PCDH15: variants seen among roughly 807,000 people sequenced by gnomAD.
PCDH15 encodes the protein protocadherin-15.
In PCDH15, 129 loss-of-function variants were observed where a neutral mutation model predicts 178.5. The ratio of observed to expected loss-of-function variants is 0.72; its 90% CI spans 0.63 to 0.84. The LOEUF is 0.84. Among genes scored for constraint, PCDH15 ranks in the 40% least tolerant of loss-of-function variants. PCDH15 has a pLI of 0.00. For synonymous variants in PCDH15, 800 were observed against 732.0 expected, an observed-to-expected ratio of 1.09 and a Z score of -1.50; for missense variants, 2,230 against 2,099.9, an observed-to-expected ratio of 1.06 and a Z score of -1.21.
chr10:54,537,571 T>C (rs147286735), intron 2 of PCDH15, among the ~76,000 whole-genome samples: 1 of 152,304 alleles, frequency 6.6e-6, no homozygotes, highest in African/African-American at 2.4e-5. Context: ...AAACTTAATC[T>C]ACCATTATCA....
At chr10:55,233,493 AAT>A (rs1013221721) in intron 1 of PCDH15, among the ~76,000 whole-genome samples, 1 of 152,130 alleles carries the variant, frequency 6.6e-6, no homozygotes, top group African/African-American at 2.4e-5. Context: ...TAATATAATC[AAT>A]ATCTCTTTTT....
Position 54,255,576 on chromosome 10 carries a change from T to C in PCDH15, c.877-18645A>G, listed in dbSNP as rs2056834243. Among the ~76,000 whole-genome samples the C allele has an allele frequency of 2.6e-5, 4 of 152,090 alleles. No individual in the cohort carries two copies. In the South Asian group the frequency reaches 6.2e-4, roughly 24 times the overall value. ...CAAACTAGTAGCAAGGTACCAATGA[T>C]AAGACATCCACAGACCCAAAAGTTA... On this transcript the variant is annotated intron_variant, in intron 8 of 37. Coordinates refer to ENST00000644397, the MANE Select transcript of PCDH15 (RefSeq NM_001384140.1).
chr10:54,325,365 T>C (rs964050316), intron 7 of PCDH15, among the ~76,000 whole-genome samples: 1 of 152,134 alleles, frequency 6.6e-6, no homozygotes, highest in Admixed American at 6.6e-5. Flanking sequence ...TCAAAATTGA[T>C]TGCTCATATC....
At chr10:54,100,116 C>T (rs1170723224) in intron 15 of PCDH15, among the ~76,000 whole-genome samples, 1 of 152,100 alleles carries the variant, frequency 6.6e-6, no homozygotes, top group African/African-American at 2.4e-5. Context: ...GACTGTAATC[C>T]CAGCACTTTG....
intron 21 of PCDH15, among the ~76,000 whole-genome samples, chr10:53,977,949 G>A (rs185312630): frequency 2.6e-5 from 4 of 152,328 alleles, no homozygotes; most frequent in Admixed American, 6.5e-5. Context: ...GATGCTAGAA[G>A]TGTGCTGCCA....
chr10:54,513,255 T>TTATG (rs1342999268), intron 3 of PCDH15, among the ~76,000 whole-genome samples: 1 of 150,662 alleles, frequency 6.6e-6, no homozygotes, highest in African/African-American at 2.4e-5. Context: ...ATTTATTTAT[T>TTATG]TATTTATTTA....
intron 1 of PCDH15, among the ~76,000 whole-genome samples, chr10:55,280,606 C>T (rs547812993): frequency 6.6e-6 from 1 of 151,512 alleles, no homozygotes; most frequent in Non-Finnish European, 1.5e-5. Flanking sequence ...TCTTTATAAG[C>T]TGTATTTGTT....
At chr10:55,518,781 C>G (rs1458753682) in intron 2 of PCDH15, among the ~76,000 whole-genome samples, 1 of 151,854 alleles carries the variant, frequency 6.6e-6, no homozygotes, top group Non-Finnish European at 1.5e-5. Flanking sequence ...GATAAACTCT[C>G]CCACCCTGAA....
intron 9 of PCDH15, among the ~76,000 whole-genome samples, chr10:54,234,404 A>C (rs1235725241): frequency 6.6e-6 from 1 of 152,146 alleles, no homozygotes; most frequent in Non-Finnish European, 1.5e-5. Context: ...AAGAAGAATA[A>C]TCTGGTCAGG....
chr10:55,159,614 A>AAT lies in PCDH15; in HGVS notation c.-80+6960_-80+6961dup, dbSNP rs533264876. On this transcript the variant is annotated intron_variant, in intron 2 of 5. Transcript: ENST00000458638. ...ACTGTCTTTTGTAAATGTGTAAATA[A>AAT]ATATATATATATCTTAAAGAGATAT... Among the ~76,000 whole-genome samples the AAT allele has an allele frequency of 5.0e-3, 744 of 147,974 alleles. 4 individuals are homozygous for AAT. Among genetic ancestry groups the AAT allele is most frequent in the African/African-American group, 0.017 (682 of 40,720 alleles).
chr10:55,543,753 T>A (rs1841815477), intron 2 of PCDH15, among the ~76,000 whole-genome samples: 1 of 151,724 alleles, frequency 6.6e-6, no homozygotes, highest in African/African-American at 2.4e-5. Flanking sequence ...AAGATTGTGA[T>A]CTTCTTATTT....
intron 2 of PCDH15, among the ~76,000 whole-genome samples, chr10:55,334,949 A>G (rs1844341363): frequency 2.0e-5 from 3 of 152,162 alleles, no homozygotes; most frequent in African/African-American, 7.2e-5. Flanking sequence ...TATTGTCACC[A>G]TTTGTCTTGA....
chr10:54,925,580 C>T (rs963263781), intron 2 of PCDH15, among the ~76,000 whole-genome samples: 3 of 151,966 alleles, frequency 2.0e-5, no homozygotes, highest in South Asian at 2.1e-4. Context: ...CATTAGCATG[C>T]GATGTTTTTC....
intron 20 of PCDH15, among the ~76,000 whole-genome samples, chr10:54,018,197 G>A (rs1204079738): frequency 6.6e-6 from 1 of 152,028 alleles, no homozygotes; most frequent in Non-Finnish European, 1.5e-5. Flanking sequence ...CTTCTACTAA[G>A]GTCCCTCAGA....
At chr10:54,170,806 C>T (rs2046820015) in intron 13 of PCDH15, among the ~76,000 whole-genome samples, 1 of 152,056 alleles carries the variant, frequency 6.6e-6, no homozygotes, top group African/African-American at 2.4e-5. Context: ...TAGTACAAGC[C>T]ACTAGCCCGC....
chr10:54,386,788 C>T (rs1949984805), intron 3 of PCDH15, among the ~76,000 whole-genome samples: 1 of 152,048 alleles, frequency 6.6e-6, no homozygotes, highest in Non-Finnish European at 1.5e-5. Context: ...ATTAGGATGG[C>T]TACTAGACAA....
intron 15 of PCDH15, among the ~76,000 whole-genome samples, chr10:54,130,585 T>A (rs1590674924): frequency 6.6e-6 from 1 of 152,164 alleles, no homozygotes; most frequent in African/African-American, 2.4e-5. Flanking sequence ...CTCAAACAAC[T>A]TTTGGATACC....
intron 3 of PCDH15, among the ~76,000 whole-genome samples, chr10:54,813,246 A>G (rs533226586): frequency 6.6e-6 from 1 of 152,170 alleles, no homozygotes; most frequent in Admixed American, 6.5e-5. Flanking sequence ...CTTTCTCCCT[A>G]GACTTTTATG....
intron 3 of PCDH15, among the ~76,000 whole-genome samples, chr10:54,806,794 C>T (rs1952784899): frequency 2.0e-5 from 3 of 152,136 alleles, no homozygotes; most frequent in South Asian, 2.1e-4. Flanking sequence ...TGAGCCACCA[C>T]GCCAGGCTTA....
Sources: gnomAD v4.1 joint callset for allele counts (sites outside exome capture counted in the v4.1 genomes callset) on GRCh38, gnomAD v4.1.1 for gene constraint, MANE v1.5 for transcripts, NCBI Gene and HGNC (gene_info 2026-07-23, HGNC 2026-07-21) for gene names.